KPNA3: variants seen among roughly 807,000 people sequenced by gnomAD.
KPNA3 encodes karyopherin subunit alpha 3, also known as importin subunit alpha-4.
A neutral mutation model predicts 73.8 loss-of-function variants in KPNA3; 13 were observed. The observed-to-expected ratio is 0.18, with a 90% CI of 0.11 to 0.28. The LOEUF (loss-of-function observed/expected upper bound fraction) is 0.28, where lower values mean the gene tolerates loss of function less well. Among genes scored for constraint, KPNA3 ranks in the 10% least tolerant of loss-of-function variants. The pLI, the probability that KPNA3 is intolerant of heterozygous loss-of-function variation, is 1.00. For missense variants in KPNA3, 360 were observed against 618.1 expected, an observed-to-expected ratio of 0.58 and a Z score of 4.43; for synonymous variants, 186 against 206.9, an observed-to-expected ratio of 0.90 and a Z score of 0.87.
chr13:49,708,513 T>C (rs2137533512), intron 12 of KPNA3, among the ~76,000 whole-genome samples: 1 of 152,292 alleles, frequency 6.6e-6, no homozygotes, highest in South Asian at 2.1e-4. Context: ...ATCGAGCAAT[T>C]CTACTTGCAG....
rs934367291 is a variant in KPNA3 at position 49,709,482 on chromosome 13, G to A, written c.1032+90C>T. ...TCATCTTCGCTGCAGTGGCTTTTAA[G>A]AAAAACATACAAGTAGCAATAGAAA... On this transcript the variant is annotated intron_variant, in intron 12 of 16. Transcript: ENST00000261667. 13 of 1,104,448 alleles carry A rather than the reference G, an allele frequency of 1.2e-5. No homozygotes were observed. In the Admixed American group the frequency reaches 3.1e-4, roughly 27 times the overall value. The allele number at this position is 1,104,448 out of a possible 1,614,324, so 68.4% of individuals were successfully genotyped here.
chr13:49,710,796 AG>A, intron 11 of KPNA3, 94 bp downstream of exon 11: 1 of 1,072,048 alleles, frequency 9.3e-7, no homozygotes, highest in Non-Finnish European at 1.3e-6. Context: ...GTGGAAGATA[AG>A]CACTTACAGA....
At chr13:49,719,326 G>C (rs1241112606) in intron 10 of KPNA3, among the ~76,000 whole-genome samples, 1 of 152,072 alleles carries the variant, frequency 6.6e-6, no homozygotes, top group African/African-American at 2.4e-5. Flanking sequence ...ACTTTAATTT[G>C]AATATTGACT....
At chr13:49,747,050 TA>T (rs1954622871) in intron 1 of KPNA3, 57 bp from the exon 2 acceptor site, 17 of 1,315,664 alleles carry the variant, frequency 1.3e-5, no homozygotes, top group Non-Finnish European at 1.8e-5. Flanking sequence ...TGCTAGTATA[TA>T]AAGATCTCAG....
chr13:49,787,106 G>T (rs1015853546), intron 1 of KPNA3, among the ~76,000 whole-genome samples: 1 of 152,208 alleles, frequency 6.6e-6, no homozygotes, highest in Non-Finnish European at 1.5e-5. Context: ...AGCACTGGAG[G>T]TTCCAGAGAC....
intron 1 of KPNA3, among the ~76,000 whole-genome samples, chr13:49,781,368 G>T (rs1379130472): frequency 6.6e-6 from 1 of 152,146 alleles, no homozygotes; most frequent in Non-Finnish European, 1.5e-5. Context: ...TGCCAGTTCT[G>T]CCCCTTCCTA....
intron 2 of KPNA3, among the ~76,000 whole-genome samples, chr13:49,733,489 G>A (rs534599929): frequency 1.1e-4 from 17 of 152,114 alleles, no homozygotes; most frequent in African/African-American, 3.9e-4. Flanking sequence ...TGTTTTTGCC[G>A]TGTTGGCCAG....
At chr13:49,723,486 T>C in intron 7 of KPNA3, among the ~76,000 whole-genome samples, 1 of 152,046 alleles carries the variant, frequency 6.6e-6, no homozygotes, top group East Asian at 1.9e-4. Flanking sequence ...AGAGAACTGC[T>C]TGAACCAGGG....
chr13:49,710,247 A>G (rs1347014606), intron 11 of KPNA3, among the ~76,000 whole-genome samples: 1 of 152,170 alleles, frequency 6.6e-6, no homozygotes, highest in Non-Finnish European at 1.5e-5. Context: ...GGGCGACAGA[A>G]CAAGACTCCA....
At chr13:49,762,072 T>A (rs936168120) in intron 1 of KPNA3, among the ~76,000 whole-genome samples, 1 of 141,534 alleles carries the variant, frequency 7.1e-6, no homozygotes, top group African/African-American at 2.7e-5. Context: ...GTCAGGAGCA[T>A]CTCCGCCCGG....
chr13:49,733,289 T>TTTTG (rs1555305169), intron 2 of KPNA3, among the ~76,000 whole-genome samples: 3 of 144,700 alleles, frequency 2.1e-5, no homozygotes, highest in African/African-American at 7.6e-5. Context: ...GGTGTTTTTT[T>TTTTG]TTTTTTTTTT....
rs114635401 is a variant in KPNA3 at position 49,759,044 on chromosome 13, C to A, written c.70-12051G>T. Among the ~76,000 whole-genome samples the A allele has an allele frequency of 4.4e-3, 662 of 152,168 alleles. 6 individuals carry two copies. Among genetic ancestry groups the A allele is most frequent in the African/African-American group, 0.015 (617 of 41,502 alleles). ...GAGTCTTGTAAAAACTACTCAAGAG[C>A]TAACATGAAGAGGCTCCAAATGTTC... is the stretch of plus-strand genomic sequence containing the variant. On this transcript the variant is annotated intron_variant, in intron 1 of 16. Coordinates refer to ENST00000261667, the MANE Select transcript of KPNA3 (RefSeq NM_002267.4).
intron 4 of KPNA3, 24 bp downstream of exon 4, chr13:49,732,723 G>C: frequency 6.3e-7 from 1 of 1,582,948 alleles, no homozygotes; most frequent in Non-Finnish European, 8.6e-7. Context: ...ACTTCAAAAC[G>C]AGAGTATTAA....
At chr13:49,741,456 CTTT>C (rs1190219673) in intron 2 of KPNA3, among the ~76,000 whole-genome samples, 6 of 139,568 alleles carry the variant, frequency 4.3e-5, no homozygotes, top group Admixed American at 7.2e-5. Context: ...CTCTTTTGCC[CTTT>C]TTTTTTTTTT....
In KPNA3 at chr13:49,713,634, AACACACACACACACAC is replaced by A. The variant is rs66994650; in HGVS notation, c.772-2628_772-2613del. ...CTTATATTAAACAGCTCTTAGGTGA[AACACACACACACACAC>A]ACACACACACACACACACACACACA... On this transcript the variant is annotated intron_variant, in intron 10 of 16. Coordinates refer to ENST00000261667, the MANE Select transcript of KPNA3 (RefSeq NM_002267.4). Among the ~76,000 whole-genome samples, 10 of 140,928 alleles carry A rather than the reference AACACACACACACACAC, an allele frequency of 7.1e-5. No homozygotes were observed. In the South Asian group the frequency reaches 7.3e-4, roughly 10 times the overall value. 92.5% of individuals were successfully genotyped at this position (140,928 alleles called of 152,430 possible). A position where few individuals can be genotyped will look rare whatever the true frequency, so the allele number is the denominator to read the frequency against.
chr13:49,705,133 T>C (rs908599435), intron 15 of KPNA3, among the ~76,000 whole-genome samples: 8 of 152,036 alleles, frequency 5.3e-5, no homozygotes, highest in African/African-American at 1.9e-4. Flanking sequence ...CTGAGGCAGG[T>C]GGATCACTTG....
intron 1 of KPNA3, among the ~76,000 whole-genome samples, chr13:49,759,268 CA>C (rs1200808527): frequency 1.3e-5 from 2 of 152,234 alleles, no homozygotes; most frequent in East Asian, 3.9e-4. Context: ...TGTTTCTAAA[CA>C]AATTTTATCA....
chr13:49,712,633 T>C (rs1412184840), intron 10 of KPNA3, among the ~76,000 whole-genome samples: 1 of 152,018 alleles, frequency 6.6e-6, no homozygotes, highest in East Asian at 1.9e-4. Context: ...GTTCCAAATT[T>C]GGCAAAATAG....
At chr13:49,750,998 A>G (rs1954658216) in intron 1 of KPNA3, among the ~76,000 whole-genome samples, 1 of 152,214 alleles carries the variant, frequency 6.6e-6, no homozygotes. Context: ...TCTCGAAAAA[A>G]AAAAGTGTTA....
Sources: allele counts gnomAD v4.1 joint callset (sites outside exome capture counted in the v4.1 genomes callset), GRCh38; gene constraint gnomAD v4.1.1; transcripts MANE v1.5; gene names NCBI Gene and HGNC (gene_info 2026-07-23, HGNC 2026-07-21).